The following TCF12 variants were observed in gnomAD, a reference collection of about 807,000 sequenced individuals.
The protein encoded by TCF12 is DNA-binding protein HTF4.
A neutral mutation model predicts 86.0 loss-of-function variants in TCF12; 45 were observed. The observed-to-expected ratio is 0.52, with a 90% CI of 0.41 to 0.67. The LOEUF is 0.67. TCF12 is among the 30% of genes least tolerant of loss of function. TCF12 has a pLI of 0.00. For synonymous variants in TCF12, 330 were observed against 299.6 expected (o/e 1.10, Z -1.05); for missense variants, 881 against 859.9 (o/e 1.02, Z -0.31).
chr15:57,243,527 T>G lies in TCF12; in HGVS notation c.1091T>G (p.Val364Gly). Reference sequence around the variant, plus strand: ...TTTCCGTCAAATCCATCAACACCAGTTGGATCACCTTCACCTCTCACAGGT... The same window carrying G: ...TTTCCGTCAAATCCATCAACACCAGGTGGATCACCTTCACCTCTCACAGGT... Reference protein sequence around the residue: ...SSFPSNPSTPVGSPSPLTGTS... With the variant: ...SSFPSNPSTPGGSPSPLTGTS... The change falls in exon 13 of 21, where the codon GTT becomes GGT. Residue 364 changes from valine (V) to glycine (G), a missense_variant. Coordinates refer to ENST00000333725, the MANE Select transcript of TCF12 (RefSeq NM_207037.2). The G allele has an allele frequency of 3.1e-6, 5 of 1,613,946 alleles. No homozygotes were observed. The highest frequency in any genetic ancestry group is 1.7e-4 in the Middle Eastern group (1 of 6,050).
At chr15:57,164,166 G>A (rs2054695609) in intron 5 of TCF12, among the ~76,000 whole-genome samples, 1 of 152,108 alleles carries the variant, frequency 6.6e-6, no homozygotes, top group South Asian at 2.1e-4. Context: ...ACAAATGAGT[G>A]AGTACCCTAC....
intron 3 of TCF12, among the ~76,000 whole-genome samples, chr15:56,966,097 T>A (rs189942615): frequency 2.0e-5 from 3 of 152,338 alleles, no homozygotes; most frequent in African/African-American, 7.2e-5. Context: ...AATGTTTGAT[T>A]ATATGCTAAT....
rs201309524 is a variant in TCF12, at chr15:56,953,830, G to GT, written c.148+32743dup. Among the ~76,000 whole-genome samples the GT allele has an allele frequency of 1.8e-3, 246 of 136,134 alleles. 1 individual carries two copies. Among genetic ancestry groups the GT allele is most frequent in the South Asian group, 0.018 (76 of 4,210 alleles). The allele number at this position is 136,134 out of a possible 152,430, so 89.3% of individuals were successfully genotyped here. A position where few individuals can be genotyped will look rare whatever the true frequency, so the allele number is the denominator to read the frequency against. ...GATCACTGTGGCTAAAAGTTTATCAGTTTTTTTTTTTGATGTTCTCAAAGA... is the reference window on the plus strand; with the variant it reads ...GATCACTGTGGCTAAAAGTTTATCAGTTTTTTTTTTTTGATGTTCTCAAAGA... On this transcript the variant is annotated intron_variant, in intron 3 of 20. Transcript: ENST00000333725.
chr15:56,947,793 T>C (rs2061075853), intron 3 of TCF12, among the ~76,000 whole-genome samples: 1 of 152,128 alleles, frequency 6.6e-6, no homozygotes. Flanking sequence ...GAGGGCAGTA[T>C]TAATGAAGCC....
intron 3 of TCF12, among the ~76,000 whole-genome samples, chr15:56,971,662 T>G (rs928661482): frequency 2.0e-5 from 3 of 152,174 alleles, no homozygotes; most frequent in Admixed American, 2.0e-4. Flanking sequence ...AGTGTAAGAT[T>G]TCACCATGCT....
intron 3 of TCF12, among the ~76,000 whole-genome samples, chr15:57,043,733 G>T (rs1271464866): frequency 6.6e-6 from 1 of 152,148 alleles, no homozygotes; most frequent in Non-Finnish European, 1.5e-5. Context: ...TCTATGAAGT[G>T]TTAGGCTAGT....
At chr15:57,265,491 C>T (rs1436742866) in intron 18 of TCF12, among the ~76,000 whole-genome samples, 1 of 152,026 alleles carries the variant, frequency 6.6e-6, no homozygotes, top group African/African-American at 2.4e-5. Flanking sequence ...CCTCCCCCGA[C>T]CCTGAACTGG....
intron 3 of TCF12, among the ~76,000 whole-genome samples, chr15:57,018,101 G>T (rs1187782308): frequency 6.6e-6 from 1 of 152,120 alleles, no homozygotes; most frequent in East Asian, 1.9e-4. Context: ...AAGAAGCTGA[G>T]GCAAAATTAA....
At chr15:57,075,075 A>G (rs1186748904) in intron 4 of TCF12, among the ~76,000 whole-genome samples, 8 of 152,212 alleles carry the variant, frequency 5.3e-5, no homozygotes, top group African/African-American at 1.9e-4. Context: ...ATTTTACATC[A>G]TAATCAGTTT....
rs2055529296 is a variant in TCF12 at position 57,171,879 on chromosome 15, A to G, written c.390+5413A>G. On this transcript the variant is annotated intron_variant, in intron 6 of 20. Transcript: ENST00000333725. ...GAAAAATCCTTTTATCAGTATAACA[A>G]AGTTTTTCATTTATACCTCTTAAGC... is the stretch of plus-strand genomic sequence containing the variant. Among the ~76,000 whole-genome samples the G allele has an allele frequency of 2.0e-5, 3 of 152,234 alleles. 1 individual carries two copies. The South Asian group carries it at 6.2e-4, about 32-fold the overall frequency.
intron 3 of TCF12, among the ~76,000 whole-genome samples, chr15:56,995,069 T>C (rs1379430207): frequency 6.6e-6 from 1 of 151,946 alleles, no homozygotes; most frequent in Non-Finnish European, 1.5e-5. Flanking sequence ...AAATAGACCC[T>C]GAAAAGTTAA....
At chr15:57,167,719 A>G (rs1187550160) in intron 6 of TCF12, among the ~76,000 whole-genome samples, 2 of 152,140 alleles carry the variant, frequency 1.3e-5, no homozygotes, top group African/African-American at 4.8e-5. Context: ...GATTTGTTAA[A>G]TATCATAGAT....
chr15:57,148,500 C>CA (rs1433249520), intron 5 of TCF12, among the ~76,000 whole-genome samples: 1 of 151,798 alleles, frequency 6.6e-6, no homozygotes, highest in African/African-American at 2.4e-5. Context: ...CAAGCCAAAC[C>CA]AGCAGCCTTC....
intron 8 of TCF12, among the ~76,000 whole-genome samples, chr15:57,218,525 T>C (rs554106832): frequency 1.9e-4 from 29 of 152,324 alleles, no homozygotes; most frequent in African/African-American, 6.5e-4. Flanking sequence ...TTTTCCTTTC[T>C]GAGAAATGTG....
rs537703428 is a variant in TCF12 at position 57,126,581 on chromosome 15, A to G, written c.325+34690A>G. On this transcript the variant is annotated intron_variant, in intron 5 of 20. Coordinates refer to ENST00000333725, the MANE Select transcript of TCF12 (RefSeq NM_207037.2). ...GAAAAACCTCAGTTGCTGAAGTTAA[A>G]TATGTTTCTCTGATAATGTCAGTCT... Among the ~76,000 whole-genome samples, 32 of 152,322 alleles carry G rather than the reference A, an allele frequency of 2.1e-4. No individual in the cohort carries two copies. In the South Asian group the frequency reaches 6.4e-3, roughly 31 times the overall value.
intron 3 of TCF12, among the ~76,000 whole-genome samples, chr15:56,951,908 A>C (rs2061293197): frequency 6.6e-6 from 1 of 152,166 alleles, no homozygotes; most frequent in Non-Finnish European, 1.5e-5. Context: ...ATGGGCTTCC[A>C]AAGTGCTGGG....
chr15:57,139,567 T>A (rs962178668), intron 5 of TCF12, among the ~76,000 whole-genome samples: 14 of 151,998 alleles, frequency 9.2e-5, no homozygotes, highest in African/African-American at 3.4e-4. Context: ...TGCTCCTGCA[T>A]AACTAAACCA....
intron 8 of TCF12, chr15:57,219,664 T>A: frequency 7.1e-7 from 1 of 1,404,412 alleles, no homozygotes. Flanking sequence ...CGCTTTTTAC[T>A]AAAATCTGTG....
At position 57,259,005 on chromosome 15, in the gene TCF12, C is replaced by G. The variant is rs548076902; in HGVS notation, c.1468-3089C>G. On this transcript the variant is annotated intron_variant, in intron 16 of 20. Coordinates refer to ENST00000333725, the MANE Select transcript of TCF12 (RefSeq NM_207037.2). ...CGGTAGAAATTATGTGTCTATGTTT[C>G]AACTGAATAGAAAGATTTTACTTTT... is the stretch of plus-strand genomic sequence containing the variant. Among the ~76,000 whole-genome samples the G allele has an allele frequency of 3.9e-5, 6 of 152,146 alleles. No individual in the cohort carries two copies. The South Asian group carries it at 1.2e-3, about 32-fold the overall frequency.
Sources: gnomAD v4.1 joint callset for allele counts (sites outside exome capture counted in the v4.1 genomes callset) on GRCh38, gnomAD v4.1.1 for gene constraint, MANE v1.5 for transcripts, NCBI Gene and HGNC (gene_info 2026-07-23, HGNC 2026-07-21) for gene names.